The following ARHGAP6 variants were observed in gnomAD, a reference collection of about 807,000 sequenced individuals.
The protein encoded by ARHGAP6 is Rho GTPase activating protein 6.
Under a neutral mutation model 55.7 loss-of-function variants are expected in ARHGAP6, and 16 were observed. That is an observed-to-expected ratio of 0.29 (90% CI 0.19 to 0.44). The LOEUF is 0.44. ARHGAP6 is among the 20% of genes least tolerant of loss of function. ARHGAP6 has a pLI of 1.00. For synonymous variants in ARHGAP6, 382 were observed against 360.9 expected (o/e 1.06, Z -0.66); for missense variants, 698 against 808.9 (o/e 0.86, Z 1.66).
intron 1 of ARHGAP6, among the ~76,000 whole-genome samples, chrX:11,540,924 G>C (rs1010580209): frequency 8.9e-6 from 1 of 112,665 alleles, no homozygotes; most frequent in African/African-American, 3.2e-5. Context: ...AACCATGGCA[G>C]AAGAATTGCA....
At chrX:11,201,190 G>C (rs1443598560) in intron 2 of ARHGAP6, among the ~76,000 whole-genome samples, 2 of 112,204 alleles carry the variant, frequency 1.8e-5, no homozygotes, top group African/African-American at 6.5e-5. Flanking sequence ...ACTGAATGGG[G>C]CTGAAAACTC....
rs1199568383 is a variant in ARHGAP6, at chrX:11,441,719, T to G, written c.589-187012A>C. ...AAATCGAGAGTCATGAGATTTTCTG[T>G]GTTTTCTCCTAAACTAATATTTGGA... On this transcript the variant is annotated intron_variant, in intron 1 of 12. Transcript: ENST00000337414. Among the ~76,000 whole-genome samples, 3 of 112,031 alleles carry G rather than the reference T, an allele frequency of 2.7e-5. No individual in the cohort carries two copies. In the Admixed American group the frequency reaches 2.8e-4, roughly 11 times the overall value.
intron 1 of ARHGAP6, among the ~76,000 whole-genome samples, chrX:11,295,904 G>A (rs745573251): frequency 3.6e-5 from 4 of 111,691 alleles, no homozygotes; most frequent in African/African-American, 9.8e-5. Context: ...CTGCATGACC[G>A]TCTCTCCTCC....
At chrX:11,325,095 T>C (rs1292674277) in intron 1 of ARHGAP6, among the ~76,000 whole-genome samples, 2 of 112,107 alleles carry the variant, frequency 1.8e-5, no homozygotes, top group Non-Finnish European at 3.8e-5. Context: ...CCTGACCTCA[T>C]GATCCACCCG....
At chrX:11,319,170 A>C (rs2048397739) in intron 1 of ARHGAP6, among the ~76,000 whole-genome samples, 3 of 111,710 alleles carry the variant, frequency 2.7e-5, no homozygotes, top group Admixed American at 9.5e-5. Flanking sequence ...CTATCTATAT[A>C]TCTCTCTCTC....
chrX:11,564,941 C>T (rs182078797), intron 1 of ARHGAP6, among the ~76,000 whole-genome samples: 20 of 111,997 alleles, frequency 1.8e-4, no homozygotes, highest in African/African-American at 6.5e-4. Flanking sequence ...AGACTTTTTC[C>T]AAGGTTTGTC....
At chrX:11,574,168 C>T in intron 1 of ARHGAP6, among the ~76,000 whole-genome samples, 1 of 111,441 alleles carries the variant, frequency 9.0e-6, no homozygotes, top group East Asian at 2.8e-4. Flanking sequence ...TGGTACCATT[C>T]CTTCTGAAAC....
intron 2 of ARHGAP6, among the ~76,000 whole-genome samples, chrX:11,214,826 G>A (rs2046856185): frequency 8.8e-6 from 1 of 113,471 alleles, no homozygotes; most frequent in Non-Finnish European, 1.9e-5. Context: ...TGGTGCCAGC[G>A]TCTGCAGGTC....
At chrX:11,327,148 A>C (rs1444759595) in intron 1 of ARHGAP6, among the ~76,000 whole-genome samples, 1 of 112,305 alleles carries the variant, frequency 8.9e-6, no homozygotes, top group African/African-American at 3.2e-5. Context: ...AATTTTCCTA[A>C]ATGTCCAAGA....
At chrX:11,212,540 T>G (rs2147392792) in intron 2 of ARHGAP6, among the ~76,000 whole-genome samples, 1 of 112,603 alleles carries the variant, frequency 8.9e-6, no homozygotes, top group African/African-American at 3.2e-5. Context: ...TCCGTCTCCC[T>G]GTGTGTTTCA....
At chrX:11,348,709 A>C (rs900588983) in intron 1 of ARHGAP6, among the ~76,000 whole-genome samples, 32 of 112,012 alleles carry the variant, frequency 2.9e-4, no homozygotes, top group Middle Eastern at 4.6e-3. Context: ...GAATGCAGCA[A>C]TGTGATCTTG....
At chrX:11,621,004 G>A (rs1489123791) in intron 1 of ARHGAP6, among the ~76,000 whole-genome samples, 2 of 112,093 alleles carry the variant, frequency 1.8e-5, no homozygotes, top group South Asian at 3.7e-4. Context: ...CTCCTGGCCT[G>A]GAGACTGGCT....
At chrX:11,411,891 C>A (rs1202192098) in intron 1 of ARHGAP6, among the ~76,000 whole-genome samples, 2 of 111,213 alleles carry the variant, frequency 1.8e-5, no homozygotes, top group African/African-American at 3.3e-5. Context: ...TCACCACAAT[C>A]CAATTTGAGA....
intron 2 of ARHGAP6, chrX:11,225,732 GC>G: frequency 1.6e-6 from 1 of 640,265 alleles, no homozygotes; most frequent in South Asian, 3.2e-5. Flanking sequence ...AAGAGATTGA[GC>G]CGCCACATGA....
At chrX:11,626,531 G>GTATT (rs2052300522) in intron 1 of ARHGAP6, among the ~76,000 whole-genome samples, 1 of 111,859 alleles carries the variant, frequency 8.9e-6, no homozygotes, top group East Asian at 2.8e-4. Flanking sequence ...AATATAGCAG[G>GTATT]TATTTCTTAA....
chrX:11,314,771 A>C (rs1282978315), intron 1 of ARHGAP6, among the ~76,000 whole-genome samples: 1 of 111,595 alleles, frequency 9.0e-6, no homozygotes, highest in Non-Finnish European at 1.9e-5. Context: ...AACAACACAC[A>C]CTGGGGACCT....
intron 2 of ARHGAP6, among the ~76,000 whole-genome samples, chrX:11,216,181 C>T (rs1231559170): frequency 7.7e-5 from 8 of 104,224 alleles, no homozygotes; most frequent in Non-Finnish European, 1.2e-4. Flanking sequence ...AAAAAATGTC[C>T]ACAACAGCGT....
At chrX:11,318,049 C>T (rs192496908) in intron 1 of ARHGAP6, among the ~76,000 whole-genome samples, 1 of 112,229 alleles carries the variant, frequency 8.9e-6, no homozygotes, top group East Asian at 2.8e-4. Context: ...TAGCCACATA[C>T]CCTTAAATAT....
chrX:11,357,851 C>T (rs763234543), intron 1 of ARHGAP6, among the ~76,000 whole-genome samples: 1 of 112,024 alleles, frequency 8.9e-6, no homozygotes, highest in South Asian at 3.7e-4. Flanking sequence ...TGCTTTTTCT[C>T]GAACTTGAGT....
Sources: allele counts gnomAD v4.1 joint callset (sites outside exome capture counted in the v4.1 genomes callset), GRCh38; gene constraint gnomAD v4.1.1; transcripts MANE v1.5; gene names NCBI Gene and HGNC (gene_info 2026-07-23, HGNC 2026-07-21).